The following PAPLN variants were observed in gnomAD, a reference collection of about 807,000 sequenced individuals.
The protein encoded by PAPLN is papilin.
In PAPLN, 146 loss-of-function variants were observed where a neutral mutation model predicts 159.0. The ratio of observed to expected loss-of-function variants is 0.92; its 90% confidence interval spans 0.80 to 1.05. The LOEUF (loss-of-function observed/expected upper bound fraction) is 1.05. Among genes scored for constraint, PAPLN ranks in the 50% least tolerant of loss-of-function variants. The pLI is 0.00. For synonymous variants in PAPLN, 734 were observed against 702.9 expected, an observed-to-expected ratio of 1.04 and a Z score of -0.70; for missense variants, 1,720 against 1,743.9, an observed-to-expected ratio of 0.99 and a Z score of 0.24.
In PAPLN at chr14:73,252,907, G is replaced by A. The variant is rs1002550718; in HGVS notation, c.1094+132G>A. On this transcript the variant is annotated intron_variant, in intron 11 of 26. Transcript: ENST00000644200. ...CAGGGCCCCCCACGCTGTGGCTGGG[G>A]TGTGGGAGAGGTGGCAGCTCTTCCT... 39 of 1,441,780 alleles carry A rather than the reference G, an allele frequency of 2.7e-5. No individual in the cohort carries two copies. The East Asian group carries it at 3.2e-4, about 12-fold the overall frequency. The allele number at this position is 1,441,780 out of a possible 1,614,324, so 89.3% of individuals were successfully genotyped here.
intron 5 of PAPLN, chr14:73,249,777 G>T: frequency 2.7e-6 from 1 of 368,032 alleles, no homozygotes; most frequent in Non-Finnish European, 4.7e-6. Context: ...CCTGATTCTG[G>T]GATTTTTCTT....
chr14:73,255,613 C>T (rs1191747191), intron 14 of PAPLN, among the ~76,000 whole-genome samples: 4 of 143,902 alleles, frequency 2.8e-5, no homozygotes, highest in Admixed American at 6.8e-5. Context: ...CCAGTGTTTG[C>T]GTGGTGTGAG....
intron 23 of PAPLN, 95 bp from the exon 24 acceptor site, chr14:73,266,405 CT>C (rs1192186998): frequency 3.4e-6 from 5 of 1,457,518 alleles, no homozygotes. Context: ...CCTAGAAGAC[CT>C]TGTGTTCCCT....
At chr14:73,270,254 G>A (rs1180554474) in intron 26 of PAPLN, among the ~76,000 whole-genome samples, 2 of 152,194 alleles carry the variant, frequency 1.3e-5, no homozygotes, top group Admixed American at 6.5e-5. Context: ...GCGGCCCCGC[G>A]CTCAGCGCAC....
intron 18 of PAPLN, 96 bp from the exon 19 acceptor site, chr14:73,262,254 G>GA: frequency 2.4e-6 from 3 of 1,233,120 alleles, no homozygotes; most frequent in Non-Finnish European, 3.4e-6. Context: ...TATAAGTGGG[G>GA]AAGGGCCTGC....
intron 2 of PAPLN, among the ~76,000 whole-genome samples, chr14:73,242,053 C>T (rs928662627): frequency 7.9e-5 from 12 of 152,210 alleles, no homozygotes; most frequent in African/African-American, 2.7e-4. Context: ...CCATGTCGGG[C>T]AGTTCACGGT....
intron 5 of PAPLN, among the ~76,000 whole-genome samples, chr14:73,248,018 G>C (rs1245076680): frequency 3.1e-5 from 3 of 95,878 alleles, no homozygotes; most frequent in African/African-American, 8.0e-5. Flanking sequence ...GTGTGTGTGT[G>C]TGTGTGTGTG....
chr14:73,251,284 G>A (rs537280803), intron 7 of PAPLN, among the ~76,000 whole-genome samples: 2 of 152,150 alleles, frequency 1.3e-5, no homozygotes, highest in African/African-American at 2.4e-5. Flanking sequence ...TGTGCTCCGG[G>A]TGCCCTGAGC....
At chr14:73,261,869 G>T (rs1315621508) in intron 18 of PAPLN, among the ~76,000 whole-genome samples, 1 of 151,820 alleles carries the variant, frequency 6.6e-6, no homozygotes, top group African/African-American at 2.4e-5. Flanking sequence ...TGCTGGAATG[G>T]CAGGCTGGGT....
At position 73,264,519 on chromosome 14, in the gene PAPLN, A is replaced by G. The variant is rs1594827406; in HGVS notation, c.2987-69A>G. On this transcript the variant is annotated intron_variant, in intron 21 of 26. Coordinates refer to ENST00000644200, the MANE Select transcript of PAPLN (RefSeq NM_001365906.3). ...TTCTCCGTAAGTCCCTGCTGGTCTC[A>G]TGGCCCGCCCTTCCTTCCACTCCCT... 3.9e-6 allele frequency: 6 copies of G among 1,544,144 alleles called. No homozygotes were observed. In the Admixed American group the frequency reaches 1.1e-4, roughly 27 times the overall value.
chr14:73,263,121 T>C (rs1042957886), intron 19 of PAPLN: 10 of 379,158 alleles, frequency 2.6e-5, no homozygotes, highest in Non-Finnish European at 4.2e-5. Context: ...GAAAAGTTTA[T>C]TGGCTTCGTG....
intron 23 of PAPLN, among the ~76,000 whole-genome samples, chr14:73,266,143 A>G (rs1449855557): frequency 6.6e-6 from 1 of 152,194 alleles, no homozygotes; most frequent in Non-Finnish European, 1.5e-5. Flanking sequence ...GTTCAAGACC[A>G]GCCTGTCCAA....
At chr14:73,250,625 A>C (rs530841926) in intron 6 of PAPLN, among the ~76,000 whole-genome samples, 1 of 151,704 alleles carries the variant, frequency 6.6e-6, no homozygotes, top group East Asian at 2.0e-4. Flanking sequence ...AACCACTCCA[A>C]CCTCCCCAAA....
In PAPLN at chr14:73,248,249, A is replaced by ATGTGTGTGTG. The variant is rs376447361; in HGVS notation, c.335-1719_335-1710dup. On this transcript the variant is annotated intron_variant, in intron 5 of 26. Coordinates refer to ENST00000644200, the MANE Select transcript of PAPLN (RefSeq NM_001365906.3). ...GCCCAGTGGGAGTCTCATATCCTCT[A>ATGTGTGTGTG]TGTGTGTGTGTGTGTGTGTGTGTGT... is the stretch of plus-strand genomic sequence containing the variant. 1.2e-3 allele frequency among the ~76,000 whole-genome samples: 95 copies of ATGTGTGTGTG among 76,934 alleles called. 2 individuals are homozygous for ATGTGTGTGTG. Among genetic ancestry groups the ATGTGTGTGTG allele is most frequent in the African/African-American group, 5.5e-3 (93 of 16,824 alleles). The allele number at this position is 76,934 out of a possible 152,430, so 50.5% of individuals were successfully genotyped here.
rs1400139859 is a variant in PAPLN at position 73,246,142 on chromosome 14, G to C, written c.301G>C (p.Gly101Arg). 4 of 1,591,212 alleles carry C rather than the reference G, an allele frequency of 2.5e-6. No homozygotes were observed. The highest frequency in any genetic ancestry group is 1.7e-4 in the Middle Eastern group (1 of 5,990). Reference protein sequence around the residue: ...CAEFDGAEFQGRRYRWLPYYS... With the variant: ...CAEFDGAEFQRRRYRWLPYYS... ...GGAGTTCGACGGAGCGGAGTTCCAG[G>C]GGCGGCGGTATCGGTGGCTGCCCTA... Residue 101 changes from glycine (G) to arginine (R), a missense_variant, in exon 5 of 27, where the codon GGG becomes CGG. By Grantham distance (125) the Gly-to-Arg change is moderately radical. Coordinates refer to ENST00000644200, the MANE Select transcript of PAPLN (RefSeq NM_001365906.3).
chr14:73,254,600 T>C lies in PAPLN; in HGVS notation c.1390T>C (p.Ser464Pro). 6.2e-7 allele frequency: 1 copy of C among 1,614,030 alleles called. No individual in the cohort carries two copies. The highest frequency in any genetic ancestry group is 8.5e-7 in the Non-Finnish European group (1 of 1,179,918). ...RGSLLHTAACSLEDRPPLTEP... is the reference protein window; with the variant it reads ...RGSLLHTAACPLEDRPPLTEP... ...TTCTTTGCTCCATACCGCAGCGTGC[T>C]CCTTGGAAGACCGGCCACCTCTGAC... Residue 464 changes from serine (S) to proline (P), a missense_variant, in exon 13 of 27, where the codon TCC (serine) becomes CCC (proline). Coordinates refer to ENST00000644200, the MANE Select transcript of PAPLN (RefSeq NM_001365906.3).
At chr14:73,251,076 C>A in intron 7 of PAPLN, 46 bp downstream of exon 7, 1 of 1,553,654 alleles carries the variant, frequency 6.4e-7, no homozygotes. Flanking sequence ...CCCTTCCTTG[C>A]CTGTCCCTTC....
In PAPLN at chr14:73,273,554, T is replaced by G. The variant is rs564183903; in HGVS notation, c.*890T>G. ...ATCCGCCCGCCTCGGCCTCCCAAAA[T>G]GCTGGGATTAGAGGTGTGAGCCACT... On this transcript the variant is annotated 3_prime_UTR_variant, in exon 27 of 27. Coordinates refer to ENST00000644200, the MANE Select transcript of PAPLN (RefSeq NM_001365906.3). 39 of 152,374 alleles carry G rather than the reference T, an allele frequency of 2.6e-4. No homozygotes were observed. Among genetic ancestry groups the G allele is most frequent in the Admixed American group, 2.4e-3 (36 of 15,294 alleles). 9.4% of individuals were successfully genotyped at this position (152,374 alleles called of 1,614,324 possible).
In PAPLN at chr14:73,262,927, T is replaced by A. The variant is rs1418406642; in HGVS notation, c.2723+100T>A. The A allele has an allele frequency of 3.6e-6, 4 of 1,100,852 alleles. No homozygotes were observed. The East Asian group carries it at 9.1e-5, about 25-fold the overall frequency. 68.2% of individuals were successfully genotyped at this position (1,100,852 alleles called of 1,614,324 possible). A position where few individuals can be genotyped will look rare whatever the true frequency, so the allele number is the denominator to read the frequency against. ...GAAGTCAGCCGGCCCTCCCTCCCCATCCCTAACTTCTGTTTCTCCCGAGAG... is the reference window on the plus strand; with the variant it reads ...GAAGTCAGCCGGCCCTCCCTCCCCAACCCTAACTTCTGTTTCTCCCGAGAG... On this transcript the variant is annotated intron_variant, in intron 19 of 26. Transcript: ENST00000644200.
Sources: gnomAD v4.1 joint callset for allele counts (sites outside exome capture counted in the v4.1 genomes callset) on GRCh38, gnomAD v4.1.1 for gene constraint, MANE v1.5 for transcripts, NCBI Gene and HGNC (gene_info 2026-07-23, HGNC 2026-07-21) for gene names.